The following GYG2 variants were observed in gnomAD, a reference collection of about 807,000 sequenced individuals.
GYG2 encodes glycogenin 2.
In GYG2, 29 loss-of-function variants were observed where a neutral mutation model predicts 29.4. That is an observed-to-expected ratio of 0.99 (90% CI 0.74 to 1.35). The LOEUF (loss-of-function observed/expected upper bound fraction) is 1.35. Ranked by LOEUF, GYG2 falls within the 40% of genes most tolerant of loss-of-function variation. GYG2 has a pLI of 0.00. For missense variants in GYG2, 370 were observed against 385.7 expected, an observed-to-expected ratio of 0.96 and a Z score of 0.34; for synonymous variants, 167 against 172.3, an observed-to-expected ratio of 0.97 and a Z score of 0.24.
chrX:2,860,221 A>T (rs1470074284), intron 7 of GYG2, among the ~76,000 whole-genome samples, 156 bp downstream of exon 7: 3 of 111,171 alleles, frequency 2.7e-5, no homozygotes, highest in African/African-American at 3.3e-5. Flanking sequence ...TGTTAAAAAA[A>T]TTTTTAAGTT....
At chrX:2,850,986 A>G (rs1263858685) in intron 3 of GYG2, among the ~76,000 whole-genome samples, 1 of 111,811 alleles carries the variant, frequency 8.9e-6, no homozygotes, top group Non-Finnish European at 1.9e-5. Flanking sequence ...GGAAAATAAT[A>G]TAAAATGAAA....
chrX:2,869,061 A>G (rs904395905), intron 8 of GYG2, among the ~76,000 whole-genome samples: 3 of 110,156 alleles, frequency 2.7e-5, no homozygotes, highest in African/African-American at 6.6e-5. Context: ...TATCTGATAT[A>G]TAGCTCACCC....
intron 3 of GYG2, among the ~76,000 whole-genome samples, chrX:2,847,977 T>C (rs1252679809): frequency 9.0e-6 from 1 of 111,658 alleles, no homozygotes; most frequent in Non-Finnish European, 1.9e-5. Context: ...CACATGTTGA[T>C]GAAGGTGGAT....
chrX:2,863,034 T>C (rs1165350286), intron 8 of GYG2, among the ~76,000 whole-genome samples: 3 of 107,404 alleles, frequency 2.8e-5, no homozygotes, highest in South Asian at 4.5e-4. Context: ...CACTCCCGCC[T>C]GGGTGACAGA....
chrX:2,880,823 C>T (rs1286173555), intron 10 of GYG2, among the ~76,000 whole-genome samples: 2 of 111,724 alleles, frequency 1.8e-5, no homozygotes, highest in African/African-American at 6.5e-5. Flanking sequence ...GGGAGGATCT[C>T]TTGAGCCCAG....
chrX:2,875,917 A>G lies in GYG2; in HGVS notation c.1143+3A>G. ...TCACAGAGACTGAAACCATCTTGGTATTCCTCATCTATATGACCTACACAT... is the reference window on the plus strand; with the variant it reads ...TCACAGAGACTGAAACCATCTTGGTGTTCCTCATCTATATGACCTACACAT... On this transcript the variant is annotated splice_donor_region_variant and intron_variant, in intron 9 of 10. Coordinates refer to ENST00000398806, the MANE Select transcript of GYG2 (RefSeq NM_001079855.2). 9.6e-7 allele frequency: 1 copy of G among 1,037,808 alleles called. No individual in the cohort carries two copies. The highest frequency in any genetic ancestry group is 1.9e-5 in the South Asian group (1 of 52,387). The allele number at this position is 1,037,808 out of a possible 1,213,427, so 85.5% of individuals were successfully genotyped here. A position where few individuals can be genotyped will look rare whatever the true frequency, so the allele number is the denominator to read the frequency against.
intron 2 of GYG2, among the ~76,000 whole-genome samples, chrX:2,833,599 G>A (rs767556683): frequency 1.3e-4 from 14 of 111,595 alleles, no homozygotes; most frequent in East Asian, 2.8e-4. Context: ...TGATCACTTT[G>A]CCAGTTCGCA....
chrX:2,850,568 G>T (rs1019624821), intron 3 of GYG2, among the ~76,000 whole-genome samples: 4 of 111,109 alleles, frequency 3.6e-5, no homozygotes, highest in African/African-American at 6.5e-5. Flanking sequence ...TATCCCCTGT[G>T]ACCTGCATGT....
At chrX:2,844,884 G>A (rs1390530276) in intron 3 of GYG2, among the ~76,000 whole-genome samples, 1 of 106,664 alleles carries the variant, frequency 9.4e-6, no homozygotes, top group Non-Finnish European at 1.9e-5. Flanking sequence ...ATATACACAT[G>A]TATGTGTTTA....
chrX:2,880,875 C>T (rs995889300), intron 10 of GYG2, among the ~76,000 whole-genome samples, 177 bp from the exon 11 acceptor site: 2 of 112,124 alleles, frequency 1.8e-5, no homozygotes, highest in East Asian at 2.8e-4. Flanking sequence ...CCACTGCACT[C>T]CAGCCTGGAC....
intron 8 of GYG2, among the ~76,000 whole-genome samples, chrX:2,873,983 C>G (rs1283733130): frequency 9.0e-6 from 1 of 111,038 alleles, no homozygotes; most frequent in Non-Finnish European, 1.9e-5. Context: ...GTAATCCCAG[C>G]TACTCAAGAG....
Position 2,846,051 on chromosome X carries a change from ATATATTTTTTTTTTTTT to A in GYG2, c.149+2699_149+2715del, listed in dbSNP as rs1447610872. ...TATATATACACATATATATATATAT[ATATATTTTTTTTTTTTT>A]TTTTTTTTTTTTTTTTGAGACAGAG... On this transcript the variant is annotated intron_variant, in intron 3 of 10. Coordinates refer to ENST00000398806, the MANE Select transcript of GYG2 (RefSeq NM_001079855.2). Among the ~76,000 whole-genome samples, 24 of 28,530 alleles carry A rather than the reference ATATATTTTTTTTTTTTT, an allele frequency of 8.4e-4. No homozygotes were observed. The South Asian group carries it at 0.012, about 14-fold the overall frequency. 24.8% of individuals were successfully genotyped at this position (28,530 alleles called of 115,157 possible).
Position 2,881,820 on chromosome X carries a change from T to G in GYG2, c.*607T>G. Reference sequence around the variant, plus strand: ...GACTTCCTAGAGCGTTGACAGAAATTCTACTCGTGGACGTTGGGAAGAAAG... The same window carrying G: ...GACTTCCTAGAGCGTTGACAGAAATGCTACTCGTGGACGTTGGGAAGAAAG... On this transcript the variant is annotated 3_prime_UTR_variant, in exon 11 of 11. Transcript: ENST00000398806. 9.0e-6 allele frequency: 1 copy of G among 111,471 alleles called. No individual in the cohort carries two copies. The highest frequency in any genetic ancestry group is 2.8e-4 in the East Asian group (1 of 3,567). 9.2% of individuals were successfully genotyped at this position (111,471 alleles called of 1,213,427 possible).
intron 10 of GYG2, 88 bp from the exon 11 acceptor site, chrX:2,880,964 C>A: frequency 2.5e-6 from 2 of 807,180 alleles, no homozygotes; most frequent in Admixed American, 5.6e-5. Flanking sequence ...CATCTTTCTG[C>A]GGGACCCTAC....
In GYG2 at chrX:2,854,910, C is replaced by G. The variant is rs1013121066; in HGVS notation, c.325-83C>G. The G allele has an allele frequency of 2.9e-5, 31 of 1,076,712 alleles. 1 individual carries two copies. Among genetic ancestry groups the G allele is most frequent in the Non-Finnish European group, 3.9e-5 (31 of 790,141 alleles). The allele number at this position is 1,076,712 out of a possible 1,213,427, so 88.7% of individuals were successfully genotyped here. On this transcript the variant is annotated intron_variant, in intron 4 of 10. Coordinates refer to ENST00000398806, the MANE Select transcript of GYG2 (RefSeq NM_001079855.2). ...CTGAAGCACTGCACTCCAGCCTGGG[C>G]GACAGAGCAAGACTCTGTCTCAAAA...
In GYG2 at chrX:2,866,259, C is replaced by G. The variant is rs970877131; in HGVS notation, c.1038+4537C>G. 1.1e-4 allele frequency among the ~76,000 whole-genome samples: 12 copies of G among 112,012 alleles called. 1 individual carries two copies. The highest frequency in any genetic ancestry group is 3.9e-4 in the African/African-American group (12 of 30,820). ...CCTGTAATCCCTGCACTTTGGGAGG[C>G]TGAGGCAGGATGATTGCTTGAGATC... On this transcript the variant is annotated intron_variant, in intron 8 of 10. Transcript: ENST00000398806.
chrX:2,839,247 A>G (rs1214062517), intron 2 of GYG2, among the ~76,000 whole-genome samples: 2 of 111,576 alleles, frequency 1.8e-5, no homozygotes, highest in Non-Finnish European at 3.8e-5. Context: ...GCCTCTGAGA[A>G]TTCTGCAGAA....
In GYG2 at chrX:2,882,445, G is replaced by C. The variant is rs2088737134; in HGVS notation, c.*1232G>C. On this transcript the variant is annotated 3_prime_UTR_variant, in exon 11 of 11. Transcript: ENST00000398806. Reference sequence around the variant, plus strand: ...GCCACTTTTTAGGTCACCTGAAGCAGTTTAGCCTTTGGATAGAGGAACCTG... The same window carrying C: ...GCCACTTTTTAGGTCACCTGAAGCACTTTAGCCTTTGGATAGAGGAACCTG... 9.0e-6 allele frequency: 1 copy of C among 111,410 alleles called. No homozygotes were observed. The highest frequency in any genetic ancestry group is 1.9e-5 in the Non-Finnish European group (1 of 53,143). 9.2% of individuals were successfully genotyped at this position (111,410 alleles called of 1,213,427 possible).
At chrX:2,838,029 C>CAAA (rs61022116) in intron 2 of GYG2, among the ~76,000 whole-genome samples, 171 of 99,581 alleles carry the variant, frequency 1.7e-3, no homozygotes, top group Middle Eastern at 5.3e-3. Context: ...AGGCATGTGC[C>CAAA]AAAAAAAAAA....
Sources: gnomAD v4.1 joint callset for allele counts (sites outside exome capture counted in the v4.1 genomes callset) on GRCh38, gnomAD v4.1.1 for gene constraint, MANE v1.5 for transcripts, NCBI Gene and HGNC (gene_info 2026-07-23, HGNC 2026-07-21) for gene names.